Variants in ELMO1 observed in about 807,000 individuals in gnomAD.
The protein encoded by ELMO1 is engulfment and cell motility 1.
In ELMO1, 26 loss-of-function variants were observed where a neutral mutation model predicts 98.9. The ratio of observed to expected loss-of-function variants is 0.26; its 90% CI spans 0.19 to 0.36. ELMO1 has a LOEUF of 0.36. Among genes scored for constraint, ELMO1 ranks in the 10% least tolerant of loss-of-function variants. The pLI is 1.00. For synonymous variants in ELMO1, 346 were observed against 346.0 expected (o/e 1.00, Z 0.00); for missense variants, 627 against 935.2 (o/e 0.67, Z 4.30).
chr7:37,217,991 T>C (rs1293990869), intron 10 of ELMO1, among the ~76,000 whole-genome samples: 4 of 152,202 alleles, frequency 2.6e-5, no homozygotes, highest in African/African-American at 7.2e-5. Flanking sequence ...CAATGACGCA[T>C]TGAGAAACAA....
chr7:36,929,996 G>A (rs771359068), intron 16 of ELMO1, among the ~76,000 whole-genome samples: 1 of 152,226 alleles, frequency 6.6e-6, no homozygotes, highest in East Asian at 1.9e-4. Context: ...CCTAAATTAT[G>A]TTGAGAGATT....
intron 1 of ELMO1, among the ~76,000 whole-genome samples, chr7:37,385,966 G>A (rs1023478086): frequency 1.3e-5 from 2 of 152,218 alleles, no homozygotes; most frequent in African/African-American, 4.8e-5. Flanking sequence ...GCAGGAGCCA[G>A]AAATTTTACC....
chr7:37,132,249 T>C (rs182335925), intron 14 of ELMO1, among the ~76,000 whole-genome samples: 242 of 152,346 alleles, frequency 1.6e-3, no homozygotes, highest in Non-Finnish European at 2.9e-3. Context: ...TTAATGGACA[T>C]GCTCTTACCA....
intron 4 of ELMO1, among the ~76,000 whole-genome samples, chr7:37,306,341 AAG>A (rs1487331352): frequency 1.3e-5 from 2 of 152,198 alleles, no homozygotes; most frequent in Non-Finnish European, 2.9e-5. Context: ...GAATAAGAGA[AAG>A]AATAAAATTG....
At chr7:37,211,569 T>C (rs1457922218) in intron 12 of ELMO1, 52 bp from the exon 13 acceptor site, 45 of 1,595,650 alleles carry the variant, frequency 2.8e-5, no homozygotes, top group Non-Finnish European at 3.8e-5. Flanking sequence ...GCTGCTTTCA[T>C]TGTGTGACAT....
intron 14 of ELMO1, among the ~76,000 whole-genome samples, chr7:37,106,870 A>C (rs1282250856): frequency 6.6e-6 from 1 of 152,174 alleles, no homozygotes; most frequent in African/African-American, 2.4e-5. Context: ...TAAAGTACTC[A>C]CAGATCACCT....
intron 2 of ELMO1, among the ~76,000 whole-genome samples, chr7:37,341,868 T>C (rs1235871686): frequency 6.6e-6 from 1 of 152,224 alleles, no homozygotes; most frequent in Non-Finnish European, 1.5e-5. Flanking sequence ...CTTTTATTCC[T>C]TAAATCATTT....
intron 15 of ELMO1, among the ~76,000 whole-genome samples, chr7:37,073,009 G>A (rs73121131): frequency 0.1 from 15,542 of 152,256 alleles, 891 homozygotes; most frequent in Middle Eastern, 0.22. Context: ...TCAGAGGGCA[G>A]TTAGGCAACA....
chr7:36,912,120 A>C (rs563373449), intron 16 of ELMO1, among the ~76,000 whole-genome samples: 39 of 152,344 alleles, frequency 2.6e-4, no homozygotes, highest in African/African-American at 9.4e-4. Flanking sequence ...GTAATCTTCT[A>C]ATGCGGTGAA....
chr7:37,216,546 G>C, intron 11 of ELMO1, 99 bp downstream of exon 11: 1 of 1,376,562 alleles, frequency 7.3e-7, no homozygotes, highest in South Asian at 1.2e-5. Context: ...ACAGAAGGAA[G>C]TCACAGAACA....
At chr7:37,048,564 CCACAGGCAACTCTAAAGCGAAAA>C (rs1405644058) in intron 15 of ELMO1, among the ~76,000 whole-genome samples, 3 of 152,164 alleles carry the variant, frequency 2.0e-5, no homozygotes, top group African/African-American at 7.2e-5. Context: ...CCCACCTAAC[CCACAGGCAACTCTAAAGCGAAAA>C]CATGGATCGT....
intron 13 of ELMO1, among the ~76,000 whole-genome samples, chr7:37,175,451 G>C (rs929262792): frequency 2.6e-5 from 4 of 152,200 alleles, no homozygotes; most frequent in Admixed American, 2.0e-4. Flanking sequence ...AACAGCAGTT[G>C]AGACGGGCGG....
intron 4 of ELMO1, among the ~76,000 whole-genome samples, chr7:37,275,417 C>CA (rs1796778914): frequency 6.6e-6 from 1 of 152,190 alleles, no homozygotes. Context: ...TTGTTTGTTT[C>CA]AAAGCAAAGC....
chr7:37,019,975 C>CT (rs1794172906), intron 15 of ELMO1, among the ~76,000 whole-genome samples: 3 of 152,146 alleles, frequency 2.0e-5, no homozygotes. Flanking sequence ...ACCACTTTGC[C>CT]TGTCAAAGTA....
intron 16 of ELMO1, among the ~76,000 whole-genome samples, chr7:36,946,296 A>C (rs1193272868): frequency 6.6e-6 from 1 of 152,264 alleles, no homozygotes; most frequent in Non-Finnish European, 1.5e-5. Flanking sequence ...GGAAATTTCC[A>C]TCACTAGAAA....
intron 1 of ELMO1, among the ~76,000 whole-genome samples, chr7:37,374,704 T>C (rs571590842): frequency 4.0e-5 from 6 of 151,836 alleles, no homozygotes; most frequent in South Asian, 2.1e-4. Context: ...TGAGCCAAGA[T>C]TGCATCACTG....
intron 13 of ELMO1, among the ~76,000 whole-genome samples, chr7:37,146,625 A>G (rs1019995619): frequency 3.3e-5 from 5 of 152,192 alleles, no homozygotes; most frequent in African/African-American, 1.2e-4. Flanking sequence ...CCAGTGTCCC[A>G]AAGATCCTTA....
chr7:37,300,581 G>GCCATT (rs1798285961), intron 4 of ELMO1, among the ~76,000 whole-genome samples: 1 of 102,372 alleles, frequency 9.8e-6, no homozygotes. Flanking sequence ...TTATTGATTT[G>GCCATT]TGTATATTGA....
chr7:37,169,646 T>A (rs1200145689), intron 13 of ELMO1, among the ~76,000 whole-genome samples: 1 of 152,240 alleles, frequency 6.6e-6, no homozygotes, highest in African/African-American at 2.4e-5. Flanking sequence ...AAGCTTTTGC[T>A]TTTTCTTTTT....
Sources: gnomAD v4.1 joint callset for allele counts (sites outside exome capture counted in the v4.1 genomes callset) on GRCh38, gnomAD v4.1.1 for gene constraint, MANE v1.5 for transcripts, NCBI Gene and HGNC (gene_info 2026-07-23, HGNC 2026-07-21) for gene names.